MB21D2: variants seen among roughly 807,000 people sequenced by gnomAD.
MB21D2 encodes the protein Mab-21 domain containing 2.
A neutral mutation model predicts 33.3 loss-of-function variants in MB21D2; 9 were observed. The ratio of observed to expected loss-of-function variants is 0.27; its 90% confidence interval spans 0.16 to 0.47. MB21D2 has a LOEUF of 0.47. Among genes scored for constraint, MB21D2 ranks in the 20% least tolerant of loss-of-function variants. The pLI is 0.99. For missense variants in MB21D2, 540 were observed against 624.6 expected (o/e 0.86, Z 1.44); for synonymous variants, 241 against 236.3 (o/e 1.02, Z -0.18).
chr3:192,863,172 G>A (rs1032119375), intron 1 of MB21D2, among the ~76,000 whole-genome samples: 2 of 152,170 alleles, frequency 1.3e-5, no homozygotes, highest in Non-Finnish European at 2.9e-5. Flanking sequence ...AACACCAAGG[G>A]TTGCCAAGCA....
At chr3:192,826,366 C>T (rs1316229857) in intron 1 of MB21D2, among the ~76,000 whole-genome samples, 2 of 152,120 alleles carry the variant, frequency 1.3e-5, no homozygotes, top group African/African-American at 4.8e-5. Flanking sequence ...AGTCAAGGCA[C>T]GTGTAGCAAA....
intron 1 of MB21D2, among the ~76,000 whole-genome samples, chr3:192,846,083 T>C (rs1299751367): frequency 6.6e-6 from 1 of 152,018 alleles, no homozygotes; most frequent in Non-Finnish European, 1.5e-5. Flanking sequence ...AAACTATATA[T>C]ATGAAATAAA....
chr3:192,856,932 A>G (rs1474370410), intron 1 of MB21D2, among the ~76,000 whole-genome samples: 1 of 152,170 alleles, frequency 6.6e-6, no homozygotes. Flanking sequence ...TAACTGATTT[A>G]AAAAGAAAAA....
chr3:192,859,847 TAG>T (rs1432508556), intron 1 of MB21D2, among the ~76,000 whole-genome samples: 1 of 152,196 alleles, frequency 6.6e-6, no homozygotes, highest in Non-Finnish European at 1.5e-5. Context: ...GAAAAGTATT[TAG>T]ACTTTTCGAG....
intron 1 of MB21D2, among the ~76,000 whole-genome samples, chr3:192,902,961 CAGAG>C (rs1456087162): frequency 6.6e-6 from 1 of 152,156 alleles, no homozygotes; most frequent in Non-Finnish European, 1.5e-5. Flanking sequence ...GGAAAGAAAC[CAGAG>C]AGAAAGAGAT....
chr3:192,829,340 A>G (rs1712262579), intron 1 of MB21D2, among the ~76,000 whole-genome samples: 1 of 152,256 alleles, frequency 6.6e-6, no homozygotes, highest in African/African-American at 2.4e-5. Flanking sequence ...ATTTGTGTAC[A>G]GGCCTTTGTG....
intron 1 of MB21D2, among the ~76,000 whole-genome samples, chr3:192,875,028 A>T (rs1376022494): frequency 6.6e-6 from 1 of 151,274 alleles, no homozygotes. Flanking sequence ...AAAAAAAACA[A>T]AAAACTCTTC....
chr3:192,870,716 AAAAG>A (rs1041758110), intron 1 of MB21D2, among the ~76,000 whole-genome samples: 1 of 137,210 alleles, frequency 7.3e-6, no homozygotes, highest in Non-Finnish European at 1.5e-5. Flanking sequence ...AAAAAAAAAA[AAAAG>A]GAAGGAGAGA....
In MB21D2 at chr3:192,839,275, C is replaced by T. The variant is rs116242894; in HGVS notation, c.212-39625G>A. The stretch of plus-strand genomic sequence containing the variant: ...GTCACCTTAATTCCTTTTGCATGTA[C>T]CCACTCTGGATTTACGTACCTTCCT... On this transcript the variant is annotated intron_variant, in intron 1 of 1. Coordinates refer to ENST00000392452, the MANE Select transcript of MB21D2 (RefSeq NM_178496.4). 1.6e-3 allele frequency among the ~76,000 whole-genome samples: 240 copies of T among 152,230 alleles called. 2 individuals are homozygous for T. The highest frequency in any genetic ancestry group is 5.7e-3 in the African/African-American group (235 of 41,534).
chr3:192,889,159 A>T (rs1713796616), intron 1 of MB21D2, among the ~76,000 whole-genome samples: 1 of 152,120 alleles, frequency 6.6e-6, no homozygotes, highest in South Asian at 2.1e-4. Flanking sequence ...TACACACACA[A>T]ATATACAGTT....
chr3:192,823,966 C>T (rs1202855023), intron 1 of MB21D2, among the ~76,000 whole-genome samples: 1 of 152,096 alleles, frequency 6.6e-6, no homozygotes, highest in East Asian at 1.9e-4. Context: ...AAAATCACTG[C>T]ATTTCAGGAA....
intron 1 of MB21D2, among the ~76,000 whole-genome samples, chr3:192,866,611 A>C (rs1259722881): frequency 6.6e-6 from 1 of 152,200 alleles, no homozygotes; most frequent in Non-Finnish European, 1.5e-5. Flanking sequence ...TTTAATTCTG[A>C]ATTAATTTAT....
intron 1 of MB21D2, among the ~76,000 whole-genome samples, chr3:192,879,179 T>C (rs1246237626): frequency 6.6e-6 from 1 of 152,202 alleles, no homozygotes; most frequent in African/African-American, 2.4e-5. Context: ...CAAATAAAAC[T>C]GAGCTTTGTG....
intron 1 of MB21D2, among the ~76,000 whole-genome samples, chr3:192,819,183 T>C (rs1711991595): frequency 6.6e-6 from 1 of 152,008 alleles, no homozygotes. Context: ...AAAAGAGAGA[T>C]AGGAATCAAT....
intron 1 of MB21D2, among the ~76,000 whole-genome samples, 172 bp downstream of exon 1, chr3:192,917,458 G>A (rs1714493503): frequency 6.6e-6 from 1 of 152,172 alleles, no homozygotes. Context: ...CAGGCAGCTC[G>A]GCTTTCGGCG....
chr3:192,911,691 AG>A (rs34994070), intron 1 of MB21D2, among the ~76,000 whole-genome samples: 67,240 of 152,006 alleles, frequency 0.44, 17,663 homozygotes, highest in Non-Finnish European at 0.58. Context: ...AAGGAATGAC[AG>A]GAAGACCCAG....
chr3:192,817,397 T>TAGGAGAGAG (rs1236178181), intron 1 of MB21D2, among the ~76,000 whole-genome samples: 1 of 148,816 alleles, frequency 6.7e-6, no homozygotes, highest in Non-Finnish European at 1.5e-5. Flanking sequence ...ACCTGGTAGA[T>TAGGAGAGAG]AGGAGAGAGG....
At chr3:192,853,038 C>G (rs1319960689) in intron 1 of MB21D2, among the ~76,000 whole-genome samples, 1 of 151,590 alleles carries the variant, frequency 6.6e-6, no homozygotes, top group Non-Finnish European at 1.5e-5. Flanking sequence ...GTCTCTCTCT[C>G]TCTCTCTCTC....
intron 1 of MB21D2, among the ~76,000 whole-genome samples, chr3:192,910,093 T>C (rs1227803253): frequency 6.6e-6 from 1 of 150,698 alleles, no homozygotes. Context: ...GTAGGTAAAA[T>C]CCTCAGAAGA....
Sources: allele counts gnomAD v4.1 joint callset (sites outside exome capture counted in the v4.1 genomes callset), GRCh38; gene constraint gnomAD v4.1.1; transcripts MANE v1.5; gene names NCBI Gene and HGNC (gene_info 2026-07-23, HGNC 2026-07-21).